The following PATL1 variants were observed in gnomAD, a reference collection of about 807,000 sequenced individuals.
PATL1 encodes the protein protein PAT1 homolog 1.
A neutral mutation model predicts 100.6 loss-of-function variants in PATL1; 32 were observed. That is an observed-to-expected ratio of 0.32 (90% CI 0.24 to 0.43). PATL1 has a LOEUF of 0.43. PATL1 is among the 20% of genes least tolerant of loss of function. The probability of loss-of-function intolerance (pLI) is 1.00; values close to 1 mark genes in which losing one functional copy is unlikely to be tolerated. For synonymous variants in PATL1, 332 were observed against 330.0 expected, an observed-to-expected ratio of 1.01 and a Z score of -0.07; for missense variants, 747 against 949.9, an observed-to-expected ratio of 0.79 and a Z score of 2.81.
rs1565129012 is a variant in PATL1, at chr11:59,638,228, T to C, written c.*162A>G. The stretch of plus-strand genomic sequence containing the variant: ...AATTTCATAGAGCAGTGGGGAAATA[T>C]CTGACATTTAGAGAGACAACCCCTG... On this transcript the variant is annotated 3_prime_UTR_variant, in exon 19 of 19. Coordinates refer to ENST00000300146, the MANE Select transcript of PATL1 (RefSeq NM_152716.3). 1 of 686,996 alleles carries C rather than the reference T, an allele frequency of 1.5e-6. No individual in the cohort carries two copies. Among genetic ancestry groups the C allele is most frequent in the African/African-American group, 1.8e-5 (1 of 55,568 alleles). 42.6% of individuals were successfully genotyped at this position (686,996 alleles called of 1,614,324 possible).
Position 59,642,984 on chromosome 11 carries a change from A to T in PATL1, c.1945T>A (p.Ser649Thr). The change falls in exon 16 of 19, where the codon TCA (serine) becomes ACA (threonine). Residue 649 changes from serine (S) to threonine (T), a missense_variant. By Grantham distance (58) the Ser-to-Thr change is moderately conservative. Around this residue, in one of 4 missense-constraint regions of PATL1, gnomAD observed 434 missense variants for 596.1 expected, o/e 0.73. Transcript: ENST00000300146. The stretch of plus-strand genomic sequence containing the variant: ...CGCAAAAGGCTGGTGATACTCACTG[A>T]TGGAAGATGATAGAGAAGGAGAGAG... The part of the protein sequence containing the change: ...PFSLLLYHLP[S>T]VSITSLLRQL... 2 of 1,613,994 alleles carry T rather than the reference A, an allele frequency of 1.2e-6. No homozygotes were observed. Among genetic ancestry groups the T allele is most frequent in the Non-Finnish European group, 1.7e-6 (2 of 1,179,870 alleles).
At chr11:59,650,442 T>C (rs1861425276) in intron 13 of PATL1, among the ~76,000 whole-genome samples, 3 of 152,224 alleles carry the variant, frequency 2.0e-5, no homozygotes, top group Admixed American at 2.0e-4. Flanking sequence ...GACAATGTAA[T>C]TTTCATTCCC....
chr11:59,668,604 G>T (rs1007441037), intron 1 of PATL1, among the ~76,000 whole-genome samples: 11 of 151,968 alleles, frequency 7.2e-5, no homozygotes, highest in African/African-American at 2.7e-4. Flanking sequence ...TGGGGGCGGG[G>T]GTGTGGTCTG....
rs566447737 is a variant in PATL1 at position 59,654,585 on chromosome 11, A to G, written c.1032-513T>C. Among the ~76,000 whole-genome samples the G allele has an allele frequency of 2.0e-5, 3 of 152,202 alleles. No individual in the cohort carries two copies. The South Asian group carries it at 6.2e-4, about 32-fold the overall frequency. The stretch of plus-strand genomic sequence containing the variant: ...ATATCTTCTACAAAGACCAAGTTCT[A>G]AAAGGGTGATCATGAAATCTGAGTG... On this transcript the variant is annotated intron_variant, in intron 8 of 18. Coordinates refer to ENST00000300146, the MANE Select transcript of PATL1 (RefSeq NM_152716.3).
intron 16 of PATL1, 99 bp downstream of exon 16, chr11:59,642,781 T>A: frequency 7.6e-7 from 1 of 1,313,250 alleles, no homozygotes; most frequent in Non-Finnish European, 1.0e-6. Flanking sequence ...GAAAGAAGCC[T>A]TTTTCCCAAG....
In PATL1 at chr11:59,638,326, C is replaced by G; in HGVS notation, c.*64G>C. On this transcript the variant is annotated 3_prime_UTR_variant, in exon 19 of 19. Transcript: ENST00000300146. ...CTTCCTTCCCTCATTAAAAACACTC[C>G]ATTGGTGATGGCAGCAGTGCAGGTG... 6.6e-7 allele frequency: 1 copy of G among 1,526,090 alleles called. No individual in the cohort carries two copies. The highest frequency in any genetic ancestry group is 2.3e-5 in the East Asian group (1 of 44,246). The allele number at this position is 1,526,090 out of a possible 1,614,324, so 94.5% of individuals were successfully genotyped here.
At chr11:59,653,047 T>C (rs1470437394) in intron 9 of PATL1, 29 bp from the exon 10 acceptor site, 5 of 1,555,394 alleles carry the variant, frequency 3.2e-6, no homozygotes, top group South Asian at 2.4e-5. Flanking sequence ...ATTCATTCCA[T>C]GTGGGCAAAT....
chr11:59,647,781 G>A lies in PATL1; in HGVS notation c.1866C>T (p.Phe622=), dbSNP rs774622591. 1.1e-5 allele frequency: 17 copies of A among 1,613,966 alleles called. No homozygotes were observed. Among genetic ancestry groups the A allele is most frequent in the Non-Finnish European group, 1.4e-5 (16 of 1,179,888 alleles). The change falls in exon 15 of 19, where the codon TTC becomes TTT. Residue 622 remains phenylalanine (F), a synonymous_variant. Coordinates refer to ENST00000300146, the MANE Select transcript of PATL1 (RefSeq NM_152716.3). ...CATCTTGTGCATCCTTCTTGATAAG[G>A]AAAGGGAGGTTCCTGGCTGTTGTCA... ...ILMTTARNLP[F]LIKKDAQDEV...
intron 14 of PATL1, 46 bp from the exon 15 acceptor site, chr11:59,647,959 G>A (rs903679252): frequency 1.3e-5 from 20 of 1,538,886 alleles, no homozygotes; most frequent in Non-Finnish European, 1.7e-5. Flanking sequence ...GAACAATTAA[G>A]AAACCCTCAT....
intron 11 of PATL1, 28 bp downstream of exon 11, chr11:59,652,436 A>G (rs1007891817): frequency 6.3e-7 from 1 of 1,586,988 alleles, no homozygotes; most frequent in Non-Finnish European, 8.5e-7. Flanking sequence ...TTCTTTTATT[A>G]TGGGCATTTT....
At chr11:59,667,620 T>C (rs543867019) in intron 1 of PATL1, among the ~76,000 whole-genome samples, 1 of 152,220 alleles carries the variant, frequency 6.6e-6, no homozygotes, top group African/African-American at 2.4e-5. Flanking sequence ...CAAATACCTT[T>C]TAAGGACCTA....
chr11:59,645,404 C>T (rs548137422), intron 15 of PATL1, among the ~76,000 whole-genome samples: 126 of 147,958 alleles, frequency 8.5e-4, no homozygotes, highest in Non-Finnish European at 1.4e-3. Context: ...TTTTTACCTA[C>T]TGCTTTTAGC....
In PATL1 at chr11:59,639,398, A is replaced by G. The variant is rs1000150316; in HGVS notation, c.2050-15T>C. ...GACAGGCCAAACTACGAGAAAAGAC[A>G]GAGGGAATCAAACTCAACACTGTGT... On this transcript the variant is annotated splice_polypyrimidine_tract_variant and intron_variant, in intron 16 of 18. Coordinates refer to ENST00000300146, the MANE Select transcript of PATL1 (RefSeq NM_152716.3). The G allele has an allele frequency of 3.9e-6, 6 of 1,544,880 alleles. No individual in the cohort carries two copies. In the African/African-American group the frequency reaches 6.9e-5, roughly 18 times the overall value.
intron 4 of PATL1, among the ~76,000 whole-genome samples, chr11:59,658,592 G>A (rs767251928): frequency 1.3e-3 from 205 of 152,148 alleles, no homozygotes; most frequent in Middle Eastern, 3.4e-3. Flanking sequence ...CAAAGTGCTG[G>A]GATTACACGC....
chr11:59,644,267 G>C (rs1418240505), intron 15 of PATL1, among the ~76,000 whole-genome samples: 2 of 151,902 alleles, frequency 1.3e-5, no homozygotes, highest in Non-Finnish European at 2.9e-5. Flanking sequence ...ACATCAGTTT[G>C]TATTTCTAAC....
chr11:59,639,088 C>T lies in PATL1; in HGVS notation c.2251G>A (p.Val751Ile). The change falls in exon 18 of 19, where the codon GTT becomes ATT. Residue 751 changes from valine (V) to isoleucine (I), a missense_variant. Transcript: ENST00000300146. Reference protein sequence around the residue: ...TNLVSLFSRYVDRQKLNLLET... With the variant: ...TNLVSLFSRYIDRQKLNLLET... The stretch of plus-strand genomic sequence containing the variant: ...AGCAAGTTCAGTTTCTGCCGGTCAA[C>T]ATAGCGAGAAAAGAGGGACACTAGG... 3 of 1,613,970 alleles carry T rather than the reference C, an allele frequency of 1.9e-6. No homozygotes were observed. Among genetic ancestry groups the T allele is most frequent in the Non-Finnish European group, 1.7e-6 (2 of 1,179,888 alleles).
At chr11:59,653,858 CATCCAGGTTT>C in intron 9 of PATL1, 115 bp downstream of exon 9, 1 of 729,972 alleles carries the variant, frequency 1.4e-6, no homozygotes, top group South Asian at 1.9e-5. Flanking sequence ...GTTGATAATA[CATCCAGGTTT>C]ATGGATATGA....
chr11:59,655,615 T>G lies in PATL1; in HGVS notation c.939A>C (p.Pro313=). The G allele has an allele frequency of 6.3e-7, 1 of 1,595,322 alleles. No homozygotes were observed. The highest frequency in any genetic ancestry group is 1.1e-5 in the South Asian group (1 of 88,062). The change falls in exon 8 of 19, where the codon CCA becomes CCC. Residue 313 remains proline (P), a synonymous_variant. Transcript: ENST00000300146. The stretch of plus-strand genomic sequence containing the variant: ...GAGCACTAAAGAAGGCACGGAAGCC[T>G]GGTGCTGGGGGAAGCATCTGCCCAA... ...GRVGQMLPPA[P]GFRAFFSAPP...
chr11:59,658,385 T>C (rs948667889), intron 4 of PATL1, among the ~76,000 whole-genome samples: 5 of 151,912 alleles, frequency 3.3e-5, no homozygotes, highest in African/African-American at 7.3e-5. Flanking sequence ...TGGCGCAATC[T>C]TGCCTTACTA....
Sources: gnomAD v4.1 joint callset for allele counts (sites outside exome capture counted in the v4.1 genomes callset) on GRCh38, gnomAD v4.1.1 for gene constraint, gnomAD v4.1.1 regional missense constraint, MANE v1.5 for transcripts, NCBI Gene and HGNC (gene_info 2026-07-23, HGNC 2026-07-21) for gene names.